Variants in FBN1 observed in about 807,000 individuals in gnomAD.
FBN1 encodes the protein fibrillin-1.
FBN1 carries 29 observed loss-of-function variants against 365.1 expected under a neutral mutation model. That is an observed-to-expected ratio of 0.08 (90% CI 0.06 to 0.11). FBN1 has a LOEUF of 0.11. Ranked by LOEUF, FBN1 falls within the 10% of genes least tolerant of loss-of-function variation. FBN1 has a pLI of 1.00. For synonymous variants in FBN1, 1,210 were observed against 1,270.5 expected, an observed-to-expected ratio of 0.95 and a Z score of 1.01; for missense variants, 2,476 against 3,703.2, an observed-to-expected ratio of 0.67 and a Z score of 8.60.
chr15:48,529,559 G>A (rs1254147518), intron 8 of FBN1: 1 of 152,254 alleles, frequency 6.6e-6, no homozygotes, highest in Non-Finnish European at 1.5e-5. Context: ...ATCCAAGATT[G>A]TGGACTTGAC....
In FBN1 at chr15:48,547,953, G is replaced by A. The variant is rs964147216; in HGVS notation, c.539-10145C>T. Among the ~76,000 whole-genome samples, 11 of 152,298 alleles carry A rather than the reference G, an allele frequency of 7.2e-5. No individual in the cohort carries two copies. In the East Asian group the frequency reaches 1.9e-3, roughly 27 times the overall value. On this transcript the variant is annotated intron_variant, in intron 6 of 65. Transcript: ENST00000316623. ...AAAGTACAAGCATTACTCAGAACAC[G>A]TGAGTGAACCGTGCAAAAGACAGGC...
chr15:48,519,531 C>T (rs1283381041), intron 10 of FBN1, among the ~76,000 whole-genome samples: 1 of 152,168 alleles, frequency 6.6e-6, no homozygotes, highest in South Asian at 2.1e-4. Context: ...CCAGCCAGAA[C>T]CACAGGAGCA....
At chr15:48,487,472 G>T (rs1328164159) in intron 27 of FBN1, 35 bp from the exon 28 acceptor site, 3 of 1,610,668 alleles carry the variant, frequency 1.9e-6, no homozygotes, top group African/African-American at 2.7e-5. Context: ...AAAGGTGGGG[G>T]CCTCATCTCC....
rs1458842000 is a variant in FBN1 at position 48,470,764 on chromosome 15, G to A, written c.4337-8C>T. On this transcript the variant is annotated splice_region_variant and splice_polypyrimidine_tract_variant and intron_variant, in intron 35 of 65. Transcript: ENST00000316623. ...GGGAGCACTCATCAATATCTTGGGG[G>A]GAGGGAGAAAAAAGCAAAAAACTTA... The A allele has an allele frequency of 3.7e-6, 6 of 1,613,742 alleles. No individual in the cohort carries two copies. Among genetic ancestry groups the A allele is most frequent in the Non-Finnish European group, 5.1e-6 (6 of 1,179,940 alleles).
chr15:48,488,562 C>A, intron 25 of FBN1, 69 bp from the exon 26 acceptor site: 1 of 1,565,372 alleles, frequency 6.4e-7, no homozygotes, highest in Non-Finnish European at 8.7e-7. Context: ...TCAATGCCCA[C>A]CATTTTAAAT....
intron 2 of FBN1, among the ~76,000 whole-genome samples, chr15:48,633,471 C>A (rs890363813): frequency 1.3e-5 from 2 of 152,044 alleles, no homozygotes; most frequent in Non-Finnish European, 2.9e-5. Flanking sequence ...TGGAGGGTTG[C>A]GGGGAGGAGT....
intron 6 of FBN1, among the ~76,000 whole-genome samples, chr15:48,569,545 T>G (rs2044289362): frequency 1.3e-5 from 2 of 152,138 alleles, no homozygotes; most frequent in South Asian, 4.1e-4. Context: ...TTATTCATAA[T>G]AGCCCCATAC....
intron 6 of FBN1, among the ~76,000 whole-genome samples, chr15:48,569,572 G>T (rs912009058): frequency 4.6e-5 from 7 of 152,028 alleles, no homozygotes; most frequent in Non-Finnish European, 1.0e-4. Flanking sequence ...CAATCAAAAT[G>T]TCCATCAGCT....
Position 48,478,572 on chromosome 15 carries a change from T to C in FBN1, c.3964+3083A>G, listed in dbSNP as rs145783668. 4.7e-4 allele frequency among the ~76,000 whole-genome samples: 72 copies of C among 152,260 alleles called. 1 individual carries two copies. The highest frequency in any genetic ancestry group is 1.6e-3 in the African/African-American group (66 of 41,552). On this transcript the variant is annotated intron_variant, in intron 32 of 65. Coordinates refer to ENST00000316623, the MANE Select transcript of FBN1 (RefSeq NM_000138.5). ...AGGACCACCCATCAAAGATGACACC[T>C]AGCAGGGCCTTAATTATGTAGAACA...
At position 48,430,943 on chromosome 15, in the gene FBN1, G is replaced by A. The variant is rs979208557; in HGVS notation, c.6740-141C>T. 8 of 802,978 alleles carry A rather than the reference G, an allele frequency of 1.0e-5. No individual in the cohort carries two copies. In the African/African-American group the frequency reaches 1.2e-4, roughly 12 times the overall value. 49.7% of individuals were successfully genotyped at this position (802,978 alleles called of 1,614,324 possible). ...TACTGGCTGTATTTCCTTCTGCTCT[G>A]TTGAGTATGATCTCTAAAGAATGGA... On this transcript the variant is annotated intron_variant, in intron 55 of 65. Transcript: ENST00000316623.
intron 8 of FBN1, among the ~76,000 whole-genome samples, chr15:48,528,027 T>C (rs1309647398): frequency 3.3e-5 from 5 of 152,210 alleles, no homozygotes; most frequent in East Asian, 1.9e-4. Flanking sequence ...CATTTAAGGA[T>C]AGAGGAAGCT....
chr15:48,494,993 T>C, intron 22 of FBN1, 130 bp downstream of exon 22: 5 of 1,015,596 alleles, frequency 4.9e-6, no homozygotes, highest in Non-Finnish European at 7.5e-6. Context: ...TTCAGCAATA[T>C]GTTCGGGGCC....
At chr15:48,501,395 G>A (rs1039648741) in intron 17 of FBN1, among the ~76,000 whole-genome samples, 5 of 152,202 alleles carry the variant, frequency 3.3e-5, no homozygotes, top group Admixed American at 2.0e-4. Flanking sequence ...ACTTTCAGCT[G>A]TGAAGTGACT....
chr15:48,582,232 C>T (rs1360816341), intron 6 of FBN1, among the ~76,000 whole-genome samples: 1 of 152,138 alleles, frequency 6.6e-6, no homozygotes, highest in Non-Finnish European at 1.5e-5. Flanking sequence ...TTCCAGTCAA[C>T]AAATACTTGC....
chr15:48,520,456 G>T (rs2043841799), intron 10 of FBN1, among the ~76,000 whole-genome samples: 1 of 152,156 alleles, frequency 6.6e-6, no homozygotes, highest in African/African-American at 2.4e-5. Context: ...GTAAAAAGCA[G>T]TACCTGAAAA....
intron 6 of FBN1, among the ~76,000 whole-genome samples, chr15:48,573,593 A>G (rs2044322696): frequency 6.6e-6 from 1 of 152,252 alleles, no homozygotes. Context: ...CATGGTCATA[A>G]GAAAGAAAAT....
At chr15:48,456,494 T>C in intron 44 of FBN1, 143 bp downstream of exon 44, 1 of 856,520 alleles carries the variant, frequency 1.2e-6, no homozygotes, top group Non-Finnish European at 1.9e-6. Context: ...TGAAATTTCA[T>C]GTTGTTCCAC....
intron 9 of FBN1, 116 bp downstream of exon 9, chr15:48,526,014 G>C: frequency 1.4e-6 from 2 of 1,391,166 alleles, no homozygotes; most frequent in Non-Finnish European, 2.0e-6. Flanking sequence ...TTCCAAAAAT[G>C]TACATTTTAC....
At chr15:48,581,642 T>G (rs940090820) in intron 6 of FBN1, among the ~76,000 whole-genome samples, 21 of 152,098 alleles carry the variant, frequency 1.4e-4, no homozygotes, top group Admixed American at 9.2e-4. Context: ...ATTTTAAAAA[T>G]GGACATAGTG....
Sources: allele counts gnomAD v4.1 joint callset (sites outside exome capture counted in the v4.1 genomes callset), GRCh38; gene constraint gnomAD v4.1.1; transcripts MANE v1.5; gene names NCBI Gene and HGNC (gene_info 2026-07-23, HGNC 2026-07-21).